Variants in RAD54L2 observed in about 807,000 individuals in gnomAD.
The protein encoded by RAD54L2 is RAD54 like 2, also known as helicase ARIP4.
Under a neutral mutation model 138.4 loss-of-function variants are expected in RAD54L2, and 27 were observed. The observed-to-expected ratio is 0.20, with a 90% CI of 0.14 to 0.27. RAD54L2 has a LOEUF of 0.27. Among genes scored for constraint, RAD54L2 ranks in the 10% least tolerant of loss-of-function variants. The pLI, the probability that RAD54L2 is intolerant of heterozygous loss-of-function variation, is 1.00. For synonymous variants in RAD54L2, 644 were observed against 723.2 expected, an observed-to-expected ratio of 0.89 and a Z score of 1.76; for missense variants, 1,396 against 1,890.2, an observed-to-expected ratio of 0.74 and a Z score of 4.85.
intron 2 of RAD54L2, among the ~76,000 whole-genome samples, chr3:51,578,823 C>A (rs2106683303): frequency 6.6e-6 from 1 of 152,294 alleles, no homozygotes; most frequent in South Asian, 2.1e-4. Flanking sequence ...TAAGTGTTAA[C>A]AGCTCAGTGG....
At chr3:51,578,995 G>T (rs923601152) in intron 2 of RAD54L2, among the ~76,000 whole-genome samples, 5 of 152,066 alleles carry the variant, frequency 3.3e-5, no homozygotes, top group African/African-American at 1.2e-4. Context: ...CTGAAAAGGG[G>T]ACAGAGCGGG....
chr3:51,603,635 A>G (rs1439042062), intron 3 of RAD54L2, among the ~76,000 whole-genome samples: 3 of 151,968 alleles, frequency 2.0e-5, no homozygotes, highest in Admixed American at 2.0e-4. Flanking sequence ...ATAATAGGGA[A>G]TCTCCAAGCC....
chr3:51,639,572 G>C lies in RAD54L2; in HGVS notation c.2014G>C (p.Ala672Pro). ...TKGKGEDSTL[A>P]SSMGEATNSK... ...AGGCAAGGGAGAGGATAGCACCTTG[G>C]CTTCCTCGATGGGAGAGGCAACCAA... Residue 672 changes from alanine (A) to proline (P), a missense_variant, in exon 13 of 23, where the codon GCT becomes CCT. Around this residue, in one of 7 missense-constraint regions of RAD54L2, gnomAD observed 211 missense variants for 273.8 expected, o/e 0.77. Coordinates refer to ENST00000684192, the MANE Select transcript of RAD54L2 (RefSeq NM_015106.4). The C allele has an allele frequency of 6.2e-7, 1 of 1,614,002 alleles. No homozygotes were observed. Among genetic ancestry groups the C allele is most frequent in the Non-Finnish European group, 8.5e-7 (1 of 1,179,892 alleles).
At chr3:51,639,029 T>C (rs1429913984) in intron 12 of RAD54L2, 2 of 190,538 alleles carry the variant, frequency 1.0e-5, no homozygotes, top group African/African-American at 4.7e-5. Flanking sequence ...AAATGATATG[T>C]GATTGGTCTA....
Position 51,645,789 on chromosome 3 carries a change from C to T in RAD54L2, c.2829+26C>T, listed in dbSNP as rs763794948. Reference sequence around the variant, plus strand: ...GTAAGAACTTGGTATGCATGCAATCCCCAGAGTGGCAGTCTCTCTGTCAAA... The same window carrying T: ...GTAAGAACTTGGTATGCATGCAATCTCCAGAGTGGCAGTCTCTCTGTCAAA... On this transcript the variant is annotated intron_variant, in intron 18 of 22. Transcript: ENST00000684192. The surrounding 1 kb of genome is among the most constrained non-coding windows in gnomAD (Gnocchi z 6.1). 1.2e-5 allele frequency: 19 copies of T among 1,580,446 alleles called. No individual in the cohort carries two copies. Among genetic ancestry groups the T allele is most frequent in the African/African-American group, 1.4e-5 (1 of 73,660 alleles).
chr3:51,594,950 C>G (rs182701755), intron 3 of RAD54L2, among the ~76,000 whole-genome samples: 2 of 129,354 alleles, frequency 1.5e-5, no homozygotes, highest in Admixed American at 2.0e-4. Flanking sequence ...CTGCAACCTT[C>G]ACCTCCCAGG....
chr3:51,562,476 C>T (rs921054027), intron 2 of RAD54L2, among the ~76,000 whole-genome samples: 4 of 152,104 alleles, frequency 2.6e-5, no homozygotes, highest in Non-Finnish European at 5.9e-5. Flanking sequence ...GTGATCTGCC[C>T]GCCTGGGCCT....
chr3:51,550,884 T>C (rs1402424869), intron 2 of RAD54L2, among the ~76,000 whole-genome samples: 1 of 152,010 alleles, frequency 6.6e-6, no homozygotes, highest in East Asian at 1.9e-4. Context: ...CTGTGCTTAC[T>C]AAAAATATAA....
In RAD54L2 at chr3:51,630,357, T is replaced by C. The variant is rs778336116; in HGVS notation, c.567T>C (p.Ser189=). 1 of 1,613,972 alleles carries C rather than the reference T, an allele frequency of 6.2e-7. No individual in the cohort carries two copies. The highest frequency in any genetic ancestry group is 1.7e-5 in the Admixed American group (1 of 60,028). The change falls in exon 6 of 23, where the codon AGT becomes AGC. Residue 189 remains serine, a synonymous_variant. Transcript: ENST00000684192. ...AAGTCATTTGTTTGGACAGTAGCAG[T>C]GGCAGTGAGGATGAAAAAAGCAGTC... ...AQEVICLDSS[S]GSEDEKSSRD...
intron 2 of RAD54L2, among the ~76,000 whole-genome samples, chr3:51,554,237 C>T (rs1698910903): frequency 6.6e-6 from 1 of 152,034 alleles, no homozygotes; most frequent in Admixed American, 6.6e-5. Flanking sequence ...TGTGGTGGTG[C>T]ACGCCTATAA....
intron 2 of RAD54L2, among the ~76,000 whole-genome samples, chr3:51,560,297 A>G (rs542051835): frequency 8.6e-5 from 13 of 151,842 alleles, no homozygotes; most frequent in African/African-American, 2.9e-4. Flanking sequence ...TCTTTTATTG[A>G]GGTTTGAAGA....
Position 51,663,325 on chromosome 3 carries a change from C to T in RAD54L2, c.4309C>T (p.Pro1437Ser). 6.2e-7 allele frequency: 1 copy of T among 1,613,880 alleles called. No individual in the cohort carries two copies. Among genetic ancestry groups the T allele is most frequent in the South Asian group, 1.1e-5 (1 of 91,072 alleles). Residue 1437 changes from proline to serine, a missense_variant, in exon 23 of 23, where the codon CCT becomes TCT. Physicochemically the swap from Pro to Ser is moderately conservative, Grantham distance 74. Transcript: ENST00000684192. ...PAGGLLRSQV[P>S]PFDSHEVAEV... Reference sequence around the variant, plus strand: ...TGGTGGCCTCCTACGGTCCCAGGTGCCTCCATTTGACTCTCATGAGGTTGC... The same window carrying T: ...TGGTGGCCTCCTACGGTCCCAGGTGTCTCCATTTGACTCTCATGAGGTTGC...
intron 9 of RAD54L2, among the ~76,000 whole-genome samples, chr3:51,634,974 G>C (rs1364672416): frequency 6.6e-6 from 1 of 152,134 alleles, no homozygotes; most frequent in Non-Finnish European, 1.5e-5. Flanking sequence ...TTTTTTCAGA[G>C]GGTGCCTTTT....
At chr3:51,654,567 G>C (rs1448540871) in intron 19 of RAD54L2, among the ~76,000 whole-genome samples, 1 of 152,106 alleles carries the variant, frequency 6.6e-6, no homozygotes, top group East Asian at 1.9e-4. Flanking sequence ...CTTTATTTCT[G>C]TCATTTCCCA....
chr3:51,614,004 C>G (rs537526711), intron 3 of RAD54L2, among the ~76,000 whole-genome samples: 30 of 152,124 alleles, frequency 2.0e-4, no homozygotes, highest in Non-Finnish European at 3.4e-4. Context: ...AGGATAGCTT[C>G]TCCCACCACA....
chr3:51,639,408 T>C lies in RAD54L2; in HGVS notation c.1861-11T>C. ...TGTCCTGTGTCTCCTCTCCCTTTCCTTGAACCTCAGATCTGGAATCACCCT... is the reference window on the plus strand; with the variant it reads ...TGTCCTGTGTCTCCTCTCCCTTTCCCTGAACCTCAGATCTGGAATCACCCT... On this transcript the variant is annotated splice_polypyrimidine_tract_variant and intron_variant, in intron 12 of 22. Transcript: ENST00000684192. 6.2e-7 allele frequency: 1 copy of C among 1,613,000 alleles called. No individual in the cohort carries two copies. Among genetic ancestry groups the C allele is most frequent in the East Asian group, 2.2e-5 (1 of 44,858 alleles).
chr3:51,650,198 G>C (rs112684399), intron 19 of RAD54L2, among the ~76,000 whole-genome samples: 6,767 of 152,162 alleles, frequency 0.044, 496 homozygotes, highest in African/African-American at 0.15. Flanking sequence ...AAGGCCATTA[G>C]ACAATGGTAA....
intron 19 of RAD54L2, among the ~76,000 whole-genome samples, chr3:51,648,450 C>T (rs1701341857): frequency 6.6e-6 from 1 of 152,222 alleles, no homozygotes; most frequent in African/African-American, 2.4e-5. Flanking sequence ...AGCAGTGGTT[C>T]TCCCAGCACG....
At chr3:51,659,937 T>A (rs548286842) in intron 21 of RAD54L2, 89 bp from the exon 22 acceptor site, 1 of 934,726 alleles carries the variant, frequency 1.1e-6, no homozygotes, top group African/African-American at 1.6e-5. Context: ...TATAGCTATT[T>A]ACAAGCCCAC....
Sources: allele counts gnomAD v4.1 joint callset (sites outside exome capture counted in the v4.1 genomes callset), GRCh38; gene constraint gnomAD v4.1.1; regional missense constraint gnomAD v4.1.1; non-coding constraint Gnocchi (gnomAD v3.1); transcripts MANE v1.5; gene names NCBI Gene and HGNC (gene_info 2026-07-23, HGNC 2026-07-21).